Variants in CTBP2 observed in about 807,000 individuals in gnomAD.
CTBP2 encodes the protein C-terminal binding protein 2, also known as C-terminal-binding protein 2.
A neutral mutation model predicts 80.3 loss-of-function variants in CTBP2; 30 were observed. The ratio of observed to expected loss-of-function variants is 0.37; its 90% CI spans 0.28 to 0.51. The LOEUF (loss-of-function observed/expected upper bound fraction) is 0.51. Among genes scored for constraint, CTBP2 ranks in the 20% least tolerant of loss-of-function variants. CTBP2 has a pLI of 0.93. For missense variants in CTBP2, 1,212 were observed against 1,375.3 expected (o/e 0.88, Z 1.88); for synonymous variants, 594 against 587.4 (o/e 1.01, Z -0.16).
chr10:125,064,166 A>G (rs1319954240), intron 2 of CTBP2, among the ~76,000 whole-genome samples: 1 of 152,252 alleles, frequency 6.6e-6, no homozygotes, highest in Non-Finnish European at 1.5e-5. Context: ...TACCTCAGGG[A>G]ACACCATAGT....
intron 3 of CTBP2, among the ~76,000 whole-genome samples, chr10:125,036,590 GCT>G (rs1449399840): frequency 6.6e-6 from 1 of 151,814 alleles, no homozygotes; most frequent in African/African-American, 2.4e-5. Flanking sequence ...AGTTTGACAG[GCT>G]CTCTGCATAT....
At chr10:124,997,550 T>C (rs1203506840) in intron 4 of CTBP2, 1 of 203,216 alleles carries the variant, frequency 4.9e-6, no homozygotes, top group Non-Finnish European at 1.0e-5. Flanking sequence ...AGTGAGGCCA[T>C]GTCCATAACC....
intron 2 of CTBP2, among the ~76,000 whole-genome samples, chr10:125,086,131 T>G (rs537983130): frequency 6.6e-6 from 1 of 152,290 alleles, no homozygotes; most frequent in Non-Finnish European, 1.5e-5. Context: ...CAAATTCCTA[T>G]GCTGAAAGCC....
In CTBP2 at chr10:125,123,801, C is replaced by T. The variant is rs538961305; in HGVS notation, c.-205-12708G>A. Among the ~76,000 whole-genome samples the T allele has an allele frequency of 1.1e-4, 17 of 152,342 alleles. No homozygotes were observed. In the East Asian group the frequency reaches 2.1e-3, roughly 19 times the overall value. ...TGCTACGTCAATTCTTTCCTGGGAG[C>T]GGGCATGACTGACTCATTGTTCTCT... On this transcript the variant is annotated intron_variant, in intron 1 of 10. Transcript: ENST00000337195.
chr10:125,096,727 C>T (rs547174343), intron 2 of CTBP2, among the ~76,000 whole-genome samples: 2 of 126,234 alleles, frequency 1.6e-5, no homozygotes, highest in African/African-American at 3.1e-5. Flanking sequence ...AAAGTCTACA[C>T]GGCATGAAAT....
intron 1 of CTBP2, among the ~76,000 whole-genome samples, chr10:125,010,219 TAAA>T (rs59517853): frequency 0.085 from 9,027 of 105,860 alleles, 395 homozygotes; most frequent in Admixed American, 0.17. Context: ...ATTTTAAGGT[TAAA>T]AAAAAAAAAA....
At chr10:125,000,593 G>A (rs1383039042) in intron 3 of CTBP2, 3 of 152,270 alleles carry the variant, frequency 2.0e-5, no homozygotes, top group African/African-American at 7.2e-5. Flanking sequence ...AAGTGCAGGT[G>A]AGCAGCTTCC....
In CTBP2 at chr10:125,026,846, G is replaced by A; in HGVS notation, c.914C>T (p.Ala305Val). The change falls in exon 1 of 9, where the codon GCC becomes GTC. Residue 305 changes from alanine to valine, a missense_variant. This residue lies in a region of CTBP2 where 848 missense variants were observed against 782.3 expected (regional missense o/e 1.08). Coordinates refer to ENST00000309035, the MANE Select transcript of CTBP2 (RefSeq NM_022802.3). ...CTGCTGCAGTAGGGCTCCCAGCGTGGCCTCTGCCAGCCCCTCCGCCCGCAG... is the reference window on the plus strand; with the variant it reads ...CTGCTGCAGTAGGGCTCCCAGCGTGACCTCTGCCAGCCCCTCCGCCCGCAG... 2 of 1,613,614 alleles carry A rather than the reference G, an allele frequency of 1.2e-6. No individual in the cohort carries two copies. The highest frequency in any genetic ancestry group is 1.7e-6 in the Non-Finnish European group (2 of 1,179,992).
chr10:125,096,659 A>C (rs1383502774), intron 2 of CTBP2, among the ~76,000 whole-genome samples: 1 of 152,102 alleles, frequency 6.6e-6, no homozygotes, highest in Non-Finnish European at 1.5e-5. Context: ...CTGTCACCTA[A>C]GATTATCATA....
At chr10:125,150,197 A>T (rs1216721766) in intron 1 of CTBP2, among the ~76,000 whole-genome samples, 1 of 152,174 alleles carries the variant, frequency 6.6e-6, no homozygotes, top group Non-Finnish European at 1.5e-5. Context: ...CATCCCATGG[A>T]CCCAAGCCCT....
intron 2 of CTBP2, among the ~76,000 whole-genome samples, chr10:125,044,665 G>A (rs1201219505): frequency 1.3e-5 from 2 of 152,170 alleles, no homozygotes; most frequent in Non-Finnish European, 2.9e-5. Flanking sequence ...TCCTCAGAAG[G>A]CTGAGACGGG....
rs1460380249 is a variant in CTBP2, at chr10:125,083,256, TG to T, written c.-102+27733del. On this transcript the variant is annotated intron_variant, in intron 2 of 10. Coordinates refer to the CTBP2 transcript ENST00000337195. The stretch of plus-strand genomic sequence containing the variant: ...GCATTCTCAACATACTTTCCAAAGC[TG>T]GAAAAAAGCACAGCCAAGTCACTCA... Among the ~76,000 whole-genome samples the T allele has an allele frequency of 2.0e-5, 3 of 152,134 alleles. No homozygotes were observed. In the South Asian group the frequency reaches 6.2e-4, roughly 32 times the overall value.
At chr10:125,012,808 G>C (rs1956076884) in intron 1 of CTBP2, among the ~76,000 whole-genome samples, 1 of 152,138 alleles carries the variant, frequency 6.6e-6, no homozygotes, top group African/African-American at 2.4e-5. Context: ...TCAAACTTCT[G>C]AACTCAGGTG....
rs1447941312 is a variant in CTBP2 at position 125,027,450 on chromosome 10, G to A, written c.310C>T (p.Pro104Ser). Reference sequence around the variant, plus strand: ...CTGTAGTACTCCCGTGGCAGCAGGGGGCTGCGACCAGACATCACTGCCTGT... The same window carrying A: ...CTGTAGTACTCCCGTGGCAGCAGGGAGCTGCGACCAGACATCACTGCCTGT... The change falls in exon 1 of 9, where the codon CCC (proline) becomes TCC (serine). Residue 104 changes from proline (P) to serine (S), a missense_variant. By Grantham distance (74) the Pro-to-Ser change is moderately conservative. This residue lies in a region of CTBP2 where 848 missense variants were observed against 782.3 expected (regional missense o/e 1.08). Transcript: ENST00000309035. 32 of 1,614,014 alleles carry A rather than the reference G, an allele frequency of 2.0e-5. No individual in the cohort carries two copies. Among genetic ancestry groups the A allele is most frequent in the Non-Finnish European group, 2.5e-5 (30 of 1,180,016 alleles).
intron 2 of CTBP2, among the ~76,000 whole-genome samples, chr10:125,067,702 C>T (rs1844856738): frequency 6.6e-6 from 1 of 152,202 alleles, no homozygotes; most frequent in African/African-American, 2.4e-5. Flanking sequence ...TTCTCTTTCT[C>T]TCAAAGCAGT....
chr10:125,040,069 G>A (rs998634241), intron 2 of CTBP2, among the ~76,000 whole-genome samples: 4 of 152,130 alleles, frequency 2.6e-5, no homozygotes, highest in African/African-American at 4.8e-5. Flanking sequence ...CAATGTGCCC[G>A]GTGAGGTCCA....
At chr10:125,127,416 T>C (rs1855461321) in intron 1 of CTBP2, among the ~76,000 whole-genome samples, 1 of 152,200 alleles carries the variant, frequency 6.6e-6, no homozygotes, top group African/African-American at 2.4e-5. Context: ...CGTCAGTTCC[T>C]GGGAAGAAAG....
intron 2 of CTBP2, among the ~76,000 whole-genome samples, chr10:125,053,891 T>C (rs1963339467): frequency 6.6e-6 from 1 of 152,124 alleles, no homozygotes; most frequent in Non-Finnish European, 1.5e-5. Flanking sequence ...CGGCAGAGGA[T>C]CAGATTCCAC....
chr10:124,999,245 G>C (rs571641434), intron 3 of CTBP2: 1 of 152,404 alleles, frequency 6.6e-6, no homozygotes, highest in Non-Finnish European at 1.5e-5. Flanking sequence ...CAAGTGAAAT[G>C]GTTCCCTCCT....
Sources: gnomAD v4.1 joint callset for allele counts (sites outside exome capture counted in the v4.1 genomes callset) on GRCh38, gnomAD v4.1.1 for gene constraint, gnomAD v4.1.1 regional missense constraint, MANE v1.5 for transcripts, NCBI Gene and HGNC (gene_info 2026-07-23, HGNC 2026-07-21) for gene names.